The following UBR3 variants were observed in gnomAD, a reference collection of about 807,000 sequenced individuals.
UBR3 encodes ubiquitin protein ligase E3 component n-recognin 3.
A neutral mutation model predicts 243.2 loss-of-function variants in UBR3; 85 were observed. The observed-to-expected ratio is 0.35, with a 90% CI of 0.29 to 0.42. UBR3 has a LOEUF of 0.42. UBR3 is among the 10% of genes least tolerant of loss of function. The pLI is 1.00. For missense variants in UBR3, 1,686 were observed against 2,300.8 expected (o/e 0.73, Z 5.47); for synonymous variants, 748 against 799.8 (o/e 0.94, Z 1.09).
At chr2:169,974,122 T>C (rs2088308583) in intron 24 of UBR3, among the ~76,000 whole-genome samples, 1 of 152,196 alleles carries the variant, frequency 6.6e-6, no homozygotes, top group Non-Finnish European at 1.5e-5. Flanking sequence ...ATCAGGGATA[T>C]TGGCTTATAG....
intron 5 of UBR3, among the ~76,000 whole-genome samples, chr2:169,887,527 CTAAAAA>C (rs2084149771): frequency 6.6e-6 from 1 of 151,988 alleles, no homozygotes; most frequent in Admixed American, 6.6e-5. Context: ...ACTGTACTTT[CTAAAAA>C]TAAAAATATA....
At chr2:169,903,396 C>T (rs1316896719) in intron 8 of UBR3, among the ~76,000 whole-genome samples, 1 of 152,130 alleles carries the variant, frequency 6.6e-6, no homozygotes, top group Non-Finnish European at 1.5e-5. Context: ...GCATCAATAT[C>T]AATGGCTCAC....
At chr2:169,889,932 T>C (rs2084261283) in intron 5 of UBR3, among the ~76,000 whole-genome samples, 1 of 152,224 alleles carries the variant, frequency 6.6e-6, no homozygotes, top group African/African-American at 2.4e-5. Context: ...TCTAACCTGC[T>C]ACCAACACCA....
intron 24 of UBR3, among the ~76,000 whole-genome samples, chr2:169,973,197 C>G (rs2105377719): frequency 8.2e-6 from 1 of 122,234 alleles, no homozygotes; most frequent in East Asian, 2.2e-4. Context: ...ACCTAGGAAT[C>G]CAACTTACAA....
intron 10 of UBR3, among the ~76,000 whole-genome samples, chr2:169,910,591 G>T (rs2085214478): frequency 2.6e-5 from 4 of 152,116 alleles, no homozygotes. Flanking sequence ...GGCTCCTGTT[G>T]TCCTGGCAGT....
intron 31 of UBR3, among the ~76,000 whole-genome samples, chr2:170,040,254 C>T (rs914598956): frequency 2.1e-4 from 32 of 152,028 alleles, no homozygotes; most frequent in African/African-American, 7.2e-4. Flanking sequence ...TCCTCCCACA[C>T]ACCACTAAGC....
chr2:169,934,492 T>C (rs558272467), intron 19 of UBR3, among the ~76,000 whole-genome samples: 1 of 152,338 alleles, frequency 6.6e-6, no homozygotes, highest in African/African-American at 2.4e-5. Context: ...TGCCTCGGCC[T>C]CCCAAAGTGT....
rs567341792 is a variant in UBR3 at position 169,958,587 on chromosome 2, T to C, written c.3634+61T>C. The C allele has an allele frequency of 1.3e-5, 19 of 1,424,314 alleles. No homozygotes were observed. In the African/African-American group the frequency reaches 2.4e-4, roughly 18 times the overall value. 88.2% of individuals were successfully genotyped at this position (1,424,314 alleles called of 1,614,324 possible). A position where few individuals can be genotyped will look rare whatever the true frequency, so the allele number is the denominator to read the frequency against. ...TATACTTATTACTTTAGGGATGATG[T>C]AGTCCAGTCTTTTACTAATTTAAAA... On this transcript the variant is annotated intron_variant, in intron 24 of 38. Transcript: ENST00000272793.
intron 6 of UBR3, among the ~76,000 whole-genome samples, chr2:169,894,751 T>C (rs915864559): frequency 1.3e-5 from 2 of 152,188 alleles, no homozygotes; most frequent in Non-Finnish European, 2.9e-5. Context: ...TGAACAGTGA[T>C]GTAGTTAGGG....
At chr2:169,931,745 T>A (rs1448944803) in intron 18 of UBR3, among the ~76,000 whole-genome samples, 2 of 152,184 alleles carry the variant, frequency 1.3e-5, no homozygotes, top group Non-Finnish European at 2.9e-5. Context: ...CACTATTTTT[T>A]AAAATGAGTT....
At chr2:169,869,932 T>C (rs1457451778) in intron 1 of UBR3, among the ~76,000 whole-genome samples, 3 of 152,148 alleles carry the variant, frequency 2.0e-5, no homozygotes, top group Non-Finnish European at 4.4e-5. Flanking sequence ...TTATAAATTG[T>C]AAATATTTTT....
intron 32 of UBR3, among the ~76,000 whole-genome samples, chr2:170,043,331 A>G (rs1459025515): frequency 1.3e-5 from 2 of 152,156 alleles, no homozygotes; most frequent in African/African-American, 4.8e-5. Context: ...CCTCGTTGTC[A>G]GAAGTTACTG....
intron 24 of UBR3, among the ~76,000 whole-genome samples, chr2:169,966,943 T>A (rs536571011): frequency 5.9e-5 from 9 of 152,232 alleles, no homozygotes; most frequent in Admixed American, 2.0e-4. Flanking sequence ...CTATTTTTGG[T>A]CTGGGTCCAA....
chr2:169,907,271 T>G (rs1247635382), intron 10 of UBR3, among the ~76,000 whole-genome samples: 2 of 152,044 alleles, frequency 1.3e-5, no homozygotes, highest in Non-Finnish European at 2.9e-5. Flanking sequence ...ACAGGTCTGA[T>G]TATTCATGTA....
intron 36 of UBR3, chr2:170,078,439 C>T: frequency 5.1e-6 from 1 of 194,892 alleles, no homozygotes. Flanking sequence ...CTGTTAAATA[C>T]TTTCCACCTC....
intron 24 of UBR3, among the ~76,000 whole-genome samples, chr2:169,983,395 G>A (rs2088847776): frequency 6.6e-6 from 1 of 151,570 alleles, no homozygotes; most frequent in South Asian, 2.1e-4. Flanking sequence ...TGAGTAGCTG[G>A]GATTACAGGC....
chr2:169,854,570 CTT>C (rs1179716363), intron 1 of UBR3, among the ~76,000 whole-genome samples: 4 of 151,902 alleles, frequency 2.6e-5, no homozygotes, highest in African/African-American at 9.7e-5. Flanking sequence ...ATTGATAAAT[CTT>C]AAGTTTTTTT....
intron 24 of UBR3, among the ~76,000 whole-genome samples, chr2:169,962,165 A>G (rs1231480443): frequency 2.0e-5 from 3 of 152,104 alleles, no homozygotes; most frequent in Admixed American, 6.6e-5. Context: ...TCTTGCCCCA[A>G]CAGTCGTGTG....
chr2:169,845,507 G>GTCA (rs1300404036), intron 1 of UBR3, among the ~76,000 whole-genome samples: 1 of 88,344 alleles, frequency 1.1e-5, no homozygotes, highest in East Asian at 2.4e-4. Flanking sequence ...CGTCATCGTC[G>GTCA]TCGTCGTCGT....
Sources: gnomAD v4.1 joint callset for allele counts (sites outside exome capture counted in the v4.1 genomes callset) on GRCh38, gnomAD v4.1.1 for gene constraint, MANE v1.5 for transcripts, NCBI Gene and HGNC (gene_info 2026-07-23, HGNC 2026-07-21) for gene names.